TRPC1: variants seen among roughly 807,000 people sequenced by gnomAD.
The protein encoded by TRPC1 is short transient receptor potential channel 1.
TRPC1 carries 42 observed loss-of-function variants against 88.2 expected under a neutral mutation model. That is an observed-to-expected ratio of 0.48 (90% confidence interval 0.37 to 0.62). The LOEUF (loss-of-function observed/expected upper bound fraction) is 0.62. TRPC1 is among the 20% of genes least tolerant of loss of function. TRPC1 has a pLI of 0.00. For synonymous variants in TRPC1, 288 were observed against 331.8 expected (o/e 0.87, Z 1.43); for missense variants, 699 against 957.3 (o/e 0.73, Z 3.56).
chr3:142,734,474 A>G (rs1934046093), intron 1 of TRPC1, among the ~76,000 whole-genome samples: 2 of 152,202 alleles, frequency 1.3e-5, no homozygotes, highest in South Asian at 4.1e-4. Context: ...GAGAGAGGAA[A>G]AAAAGAAAAA....
intron 4 of TRPC1, among the ~76,000 whole-genome samples, chr3:142,753,798 G>A (rs1174983880): frequency 6.6e-6 from 1 of 151,416 alleles, no homozygotes; most frequent in African/African-American, 2.4e-5. Context: ...TATACTGGCA[G>A]TAAGAAAGTG....
chr3:142,724,750 T>C lies in TRPC1; in HGVS notation c.172+19T>C. 6.5e-7 allele frequency: 1 copy of C among 1,548,654 alleles called. No individual in the cohort carries two copies. Among genetic ancestry groups the C allele is most frequent in the Non-Finnish European group, 8.8e-7 (1 of 1,141,332 alleles). ...GACAAGGGTGAGAGTTAGGCCCCTT[T>C]CTCCTCTGGACGCCCCTGTCCTCCA... is the stretch of plus-strand genomic sequence containing the variant. On this transcript the variant is annotated intron_variant, in intron 1 of 12. Coordinates refer to ENST00000476941, the MANE Select transcript of TRPC1 (RefSeq NM_001251845.2). This position sits in a 1 kb window ranked among gnomAD's most constrained non-coding sequence, Gnocchi z 5.6.
rs1934265304 is a variant in TRPC1, at chr3:142,739,545, G to A, written c.327+3012G>A. Reference sequence around the variant, plus strand: ...TTTAGCATTTTTGAACAAAACAGTTGGGTTGGGGAGTAGTAGGAATTAGGA... The same window carrying A: ...TTTAGCATTTTTGAACAAAACAGTTAGGTTGGGGAGTAGTAGGAATTAGGA... On this transcript the variant is annotated intron_variant, in intron 2 of 12. Transcript: ENST00000476941. Among the ~76,000 whole-genome samples the A allele has an allele frequency of 1.3e-5, 2 of 152,154 alleles. 1 individual carries two copies. The highest frequency in any genetic ancestry group is 4.1e-4 in the South Asian group (2 of 4,822).
chr3:142,755,424 T>C (rs929257450), intron 4 of TRPC1, among the ~76,000 whole-genome samples: 2 of 152,150 alleles, frequency 1.3e-5, no homozygotes, highest in African/African-American at 4.8e-5. Context: ...AAACTCCATC[T>C]AAAAAAGAAA....
chr3:142,785,085 A>G (rs1936089524), intron 7 of TRPC1, 45 bp downstream of exon 7: 1 of 1,479,948 alleles, frequency 6.8e-7, no homozygotes, highest in Non-Finnish European at 9.0e-7. Context: ...TATTTAGCCC[A>G]CTGATTCTTT....
At chr3:142,757,230 GAT>G (rs35538609) in intron 4 of TRPC1, among the ~76,000 whole-genome samples, 74,323 of 150,760 alleles carry the variant, frequency 0.49, 20,024 homozygotes, top group African/African-American at 0.73. Context: ...CTTTCTTTTG[GAT>G]ATATATATAT....
chr3:142,739,511 CTGAAT>C (rs1016396869), intron 2 of TRPC1, among the ~76,000 whole-genome samples: 3 of 152,060 alleles, frequency 2.0e-5, no homozygotes, highest in African/African-American at 7.3e-5. Context: ...TTTTGAGACA[CTGAAT>C]TGATTTAGCA....
At position 142,807,725 on chromosome 3, in the gene TRPC1, A is replaced by G. The variant is rs2108174548; in HGVS notation, c.*1490A>G. The stretch of plus-strand genomic sequence containing the variant: ...TGGGATTATGCACTTCCCAATTGGG[A>G]TTTTACATCTGGATTTTTAGTCATT... On this transcript the variant is annotated 3_prime_UTR_variant, in exon 13 of 13. Transcript: ENST00000476941. 6.6e-6 allele frequency: 1 copy of G among 152,256 alleles called. No individual in the cohort carries two copies. The highest frequency in any genetic ancestry group is 3.4e-3 in the Middle Eastern group (1 of 294). 9.4% of individuals were successfully genotyped at this position (152,256 alleles called of 1,614,324 possible).
At chr3:142,789,875 T>C (rs1381757356) in intron 7 of TRPC1, among the ~76,000 whole-genome samples, 1 of 152,172 alleles carries the variant, frequency 6.6e-6, no homozygotes, top group Non-Finnish European at 1.5e-5. Context: ...TTCAGGACAT[T>C]TGGAAACATC....
intron 6 of TRPC1, among the ~76,000 whole-genome samples, chr3:142,782,421 T>TA (rs1935991373): frequency 6.6e-6 from 1 of 151,638 alleles, no homozygotes; most frequent in Admixed American, 6.5e-5. Flanking sequence ...AAATAGTTGG[T>TA]AAGCTTTGTT....
chr3:142,781,233 T>A (rs1169497626), intron 6 of TRPC1, among the ~76,000 whole-genome samples: 1 of 152,148 alleles, frequency 6.6e-6, no homozygotes, highest in Non-Finnish European at 1.5e-5. Context: ...TTTAGCACAG[T>A]AAGTATTAGC....
In TRPC1 at chr3:142,807,633, A is replaced by C. The variant is rs1275091051; in HGVS notation, c.*1398A>C. 2 of 152,198 alleles carry C rather than the reference A, an allele frequency of 1.3e-5. No individual in the cohort carries two copies. Among genetic ancestry groups the C allele is most frequent in the African/African-American group, 4.8e-5 (2 of 41,442 alleles). The allele number at this position is 152,198 out of a possible 1,614,324, so 9.4% of individuals were successfully genotyped here. On this transcript the variant is annotated 3_prime_UTR_variant, in exon 13 of 13. Coordinates refer to ENST00000476941, the MANE Select transcript of TRPC1 (RefSeq NM_001251845.2). Reference sequence around the variant, plus strand: ...TTTATTTTTTAATTTCCAAATTTTAAGTGTTCCCTCTTTGGGGCAAATTCT... The same window carrying C: ...TTTATTTTTTAATTTCCAAATTTTACGTGTTCCCTCTTTGGGGCAAATTCT...
At chr3:142,791,909 G>GT (rs1314981752) in intron 8 of TRPC1, among the ~76,000 whole-genome samples, 1 of 151,920 alleles carries the variant, frequency 6.6e-6, no homozygotes, top group Non-Finnish European at 1.5e-5. Context: ...CCCAGAAAGG[G>GT]TAACAAATTG....
At chr3:142,749,907 A>T (rs1170579680) in intron 4 of TRPC1, among the ~76,000 whole-genome samples, 1 of 152,196 alleles carries the variant, frequency 6.6e-6, no homozygotes, top group African/African-American at 2.4e-5. Context: ...CTTACACCTT[A>T]TACAAAAATT....
At chr3:142,757,621 A>G in intron 4 of TRPC1, among the ~76,000 whole-genome samples, 1 of 151,660 alleles carries the variant, frequency 6.6e-6, no homozygotes, top group South Asian at 2.1e-4. Context: ...ACACAGGGGA[A>G]CATCACACAC....
Position 142,777,748 on chromosome 3 carries a change from T to C in TRPC1, c.749T>C (p.Val250Ala). The C allele has an allele frequency of 6.2e-7, 1 of 1,609,246 alleles. No homozygotes were observed. Residue 250 changes from valine (V) to alanine (A), a missense_variant, in exon 5 of 13, where the codon GTG becomes GCG. By Grantham distance (64) the Val-to-Ala change is moderately conservative (BLOSUM62 0). Transcript: ENST00000476941. ...LSADLKELSL[V>A]EVEFRNDYEE... is the part of the protein sequence containing the mutation. ...GCTGATTTAAAAGAACTAAGTCTTG[T>C]GGAGGTGGAATTCAGGTGGGAATGA... is the stretch of plus-strand genomic sequence containing the variant.
At chr3:142,774,954 TA>T (rs1444422660) in intron 4 of TRPC1, among the ~76,000 whole-genome samples, 5 of 152,228 alleles carry the variant, frequency 3.3e-5, no homozygotes, top group Non-Finnish European at 5.9e-5. Flanking sequence ...TAATCCTTAC[TA>T]TATCTTGAGA....
chr3:142,740,036 C>T (rs1367628907), intron 2 of TRPC1, among the ~76,000 whole-genome samples: 1 of 152,138 alleles, frequency 6.6e-6, no homozygotes, highest in Non-Finnish European at 1.5e-5. Flanking sequence ...TTGTGAACTG[C>T]ACATGCAAGG....
At position 142,792,726 on chromosome 3, in the gene TRPC1, A is replaced by G; in HGVS notation, c.1438-98A>G. 1 of 1,305,524 alleles carries G rather than the reference A, an allele frequency of 7.7e-7. No homozygotes were observed. The highest frequency in any genetic ancestry group is 1.0e-6 in the Non-Finnish European group (1 of 990,248). The allele number at this position is 1,305,524 out of a possible 1,614,324, so 80.9% of individuals were successfully genotyped here. ...AGTGGAGATCCCCTATAAGAAGACAAAATTAAAATGGCTTTCTTTCAACAG... is the reference window on the plus strand; with the variant it reads ...AGTGGAGATCCCCTATAAGAAGACAGAATTAAAATGGCTTTCTTTCAACAG... On this transcript the variant is annotated intron_variant, in intron 8 of 12. Transcript: ENST00000476941. This position sits in a 1 kb window ranked among gnomAD's most constrained non-coding sequence, Gnocchi z 4.0.
Sources: allele counts gnomAD v4.1 joint callset (sites outside exome capture counted in the v4.1 genomes callset), GRCh38; gene constraint gnomAD v4.1.1; non-coding constraint Gnocchi (gnomAD v3.1); transcripts MANE v1.5; gene names NCBI Gene and HGNC (gene_info 2026-07-23, HGNC 2026-07-21).